HERC3: variants seen among roughly 807,000 people sequenced by gnomAD.
The protein encoded by HERC3 is probable E3 ubiquitin-protein ligase HERC3.
A neutral mutation model predicts 129.9 loss-of-function variants in HERC3; 58 were observed. The ratio of observed to expected loss-of-function variants is 0.45; its 90% CI spans 0.36 to 0.56. The LOEUF is 0.56. Among genes scored for constraint, HERC3 ranks in the 20% least tolerant of loss-of-function variants. The probability of loss-of-function intolerance (pLI) is 0.00; values close to 1 mark genes in which losing one functional copy is unlikely to be tolerated. For synonymous variants in HERC3, 430 were observed against 451.0 expected, an observed-to-expected ratio of 0.95 and a Z score of 0.59; for missense variants, 835 against 1,244.2, an observed-to-expected ratio of 0.67 and a Z score of 4.95.
intron 7 of HERC3, 140 bp downstream of exon 7, chr4:88,654,273 T>A: frequency 2.1e-6 from 1 of 466,540 alleles, no homozygotes. Flanking sequence ...GTGGGTTTGT[T>A]GTTTTCCAAA....
upstream of HERC3, among the ~76,000 whole-genome samples, chr4:88,589,959 G>A (rs1396585969): frequency 6.6e-6 from 1 of 152,118 alleles, no homozygotes; most frequent in African/African-American, 2.4e-5. Context: ...TCCTCAAGAT[G>A]AAATTTCATA....
chr4:88,660,024 G>A (rs960054576), intron 10 of HERC3, among the ~76,000 whole-genome samples: 5 of 152,170 alleles, frequency 3.3e-5, no homozygotes, highest in Admixed American at 2.0e-4. Flanking sequence ...AAAGAAAAAG[G>A]AAAGTAAACA....
At chr4:88,676,447 C>A (rs951263079) in intron 18 of HERC3, 24 bp downstream of exon 18, 4 of 1,464,750 alleles carry the variant, frequency 2.7e-6, no homozygotes, top group South Asian at 1.1e-5. Context: ...GAAATTATTT[C>A]TTCTTTTTAC....
chr4:88,595,100 C>CAAAAAAAA (rs758727600), intron 1 of HERC3, among the ~76,000 whole-genome samples: 93 of 59,950 alleles, frequency 1.6e-3, no homozygotes, highest in African/African-American at 2.1e-3. Context: ...GACTCTGTCT[C>CAAAAAAAA]AAAAAAAAAA....
chr4:88,533,223 T>C, the HERC3 span, among the ~76,000 whole-genome samples: 113 of 152,346 alleles, frequency 7.4e-4, 1 homozygote, highest in African/African-American at 2.5e-3. Flanking sequence ...TCAGCAGGTC[T>C]GCTCATTCCA....
intron 3 of HERC3, among the ~76,000 whole-genome samples, chr4:88,622,222 T>G (rs947011363): frequency 6.6e-6 from 1 of 152,246 alleles, no homozygotes; most frequent in African/African-American, 2.4e-5. Context: ...ACATTTCATG[T>G]AAATGAGATG....
At chr4:88,632,095 A>G (rs1412908330) in intron 3 of HERC3, among the ~76,000 whole-genome samples, 1 of 152,208 alleles carries the variant, frequency 6.6e-6, no homozygotes, top group East Asian at 1.9e-4. Flanking sequence ...AACCCCAAGA[A>G]ACCTGGAAGT....
At chr4:88,624,163 C>T (rs1725842015) in intron 3 of HERC3, among the ~76,000 whole-genome samples, 2 of 152,186 alleles carry the variant, frequency 1.3e-5, no homozygotes, top group South Asian at 2.1e-4. Flanking sequence ...GATAGAGTCA[C>T]CAGTTCATGG....
the HERC3 span, among the ~76,000 whole-genome samples, chr4:88,567,616 C>G: frequency 2.0e-5 from 3 of 152,116 alleles, no homozygotes; most frequent in Admixed American, 6.5e-5. Flanking sequence ...TTTCTCGGCT[C>G]CAGAATTTGT....
At chr4:88,617,389 C>T (rs1357970565) in intron 3 of HERC3, among the ~76,000 whole-genome samples, 2 of 151,974 alleles carry the variant, frequency 1.3e-5, no homozygotes, top group Non-Finnish European at 2.9e-5. Context: ...AAACAAAATC[C>T]CCAACATTTT....
intron 21 of HERC3, among the ~76,000 whole-genome samples, chr4:88,682,760 G>A (rs1340989709): frequency 1.3e-5 from 2 of 152,006 alleles, no homozygotes; most frequent in African/African-American, 2.4e-5. Context: ...CTTTGCTATT[G>A]TGAATAGTGC....
At chr4:88,654,484 TTA>T (rs964524629) in intron 7 of HERC3, among the ~76,000 whole-genome samples, 15 of 144,790 alleles carry the variant, frequency 1.0e-4, no homozygotes, top group African/African-American at 3.7e-4. Flanking sequence ...ATGTATATAT[TTA>T]TATATATATA....
At chr4:88,547,088 T>C in the HERC3 span, among the ~76,000 whole-genome samples, 50 of 152,324 alleles carry the variant, frequency 3.3e-4, no homozygotes, top group African/African-American at 1.2e-3. Flanking sequence ...CTATAACTTA[T>C]AATATAATGC....
the HERC3 span, among the ~76,000 whole-genome samples, chr4:88,551,810 T>C: frequency 6.6e-6 from 1 of 152,192 alleles, no homozygotes; most frequent in East Asian, 1.9e-4. Flanking sequence ...CTATAAATCA[T>C]GCTGCTATAA....
chr4:88,670,663 T>G (rs1251868113), intron 16 of HERC3, among the ~76,000 whole-genome samples: 1 of 125,458 alleles, frequency 8.0e-6, no homozygotes, highest in Non-Finnish European at 1.6e-5. Context: ...TTAACACTGC[T>G]GAAAGTGTAC....
At position 88,652,909 on chromosome 4, in the gene HERC3, G is replaced by A; in HGVS notation, c.504G>A (p.Gln168=). The A allele has an allele frequency of 6.2e-7, 1 of 1,613,686 alleles. No homozygotes were observed. The highest frequency in any genetic ancestry group is 8.5e-7 in the Non-Finnish European group (1 of 1,179,944). The change falls in exon 6 of 26, where the codon CAG becomes CAA. Residue 168 remains glutamine, a synonymous_variant. Transcript: ENST00000402738. Reference sequence around the variant, plus strand: ...CCTGGGGAAAGAACAGCCATGGGCAGCTTGGCTTAGGGAAGGAGTTCCCCT... The same window carrying A: ...CCTGGGGAAAGAACAGCCATGGGCAACTTGGCTTAGGGAAGGAGTTCCCCT... ...FFTWGKNSHG[Q]LGLGKEFPSQ...
At chr4:88,691,914 T>A (rs545204701) in intron 23 of HERC3, among the ~76,000 whole-genome samples, 5 of 152,360 alleles carry the variant, frequency 3.3e-5, no homozygotes, top group Non-Finnish European at 4.4e-5. Flanking sequence ...TTGAGGCTGT[T>A]TTTGTTAACA....
intron 9 of HERC3, 69 bp downstream of exon 9, chr4:88,656,104 A>T: frequency 6.8e-7 from 1 of 1,474,546 alleles, no homozygotes; most frequent in East Asian, 2.3e-5. Flanking sequence ...CAGAATATGT[A>T]TCTATTACTT....
At chr4:88,659,662 C>T (rs1730288239) in intron 10 of HERC3, among the ~76,000 whole-genome samples, 1 of 152,072 alleles carries the variant, frequency 6.6e-6, no homozygotes, top group South Asian at 2.1e-4. Context: ...TTCAAGATGT[C>T]AATAAAACAA....
Sources: allele counts gnomAD v4.1 joint callset (sites outside exome capture counted in the v4.1 genomes callset), GRCh38; gene constraint gnomAD v4.1.1; transcripts MANE v1.5; gene names NCBI Gene and HGNC (gene_info 2026-07-23, HGNC 2026-07-21).